Variants in FOXP2 observed in about 807,000 individuals in gnomAD.
The protein encoded by FOXP2 is forkhead box protein P2.
FOXP2 carries 12 observed loss-of-function variants against 115.8 expected under a neutral mutation model. The ratio of observed to expected loss-of-function variants is 0.10; its 90% CI spans 0.07 to 0.17. FOXP2 has a LOEUF of 0.17. Ranked by LOEUF, FOXP2 falls within the 10% of genes least tolerant of loss-of-function variation. The pLI is 1.00. For synonymous variants in FOXP2, 328 were observed against 297.7 expected, an observed-to-expected ratio of 1.10 and a Z score of -1.05; for missense variants, 629 against 843.5, an observed-to-expected ratio of 0.75 and a Z score of 3.15.
At chr7:114,667,061 A>T (rs1224248266) in intron 16 of FOXP2, 3 of 152,176 alleles carry the variant, frequency 2.0e-5, no homozygotes, top group Non-Finnish European at 4.4e-5. Context: ...GTGGTTAGTC[A>T]TTGACAATCC....
intron 3 of FOXP2, among the ~76,000 whole-genome samples, chr7:114,615,710 G>A (rs1363142453): frequency 1.3e-5 from 2 of 152,096 alleles, no homozygotes; most frequent in African/African-American, 4.8e-5. Context: ...GTGGTTTACT[G>A]TGGGTCTCTT....
At chr7:114,391,166 G>A (rs896325027) in intron 2 of FOXP2, among the ~76,000 whole-genome samples, 2 of 151,318 alleles carry the variant, frequency 1.3e-5, no homozygotes, top group African/African-American at 2.4e-5. Flanking sequence ...CAGCCTTGGC[G>A]ACAAGAGCAA....
At chr7:114,244,785 G>A (rs1386341585) in intron 1 of FOXP2, among the ~76,000 whole-genome samples, 1 of 149,886 alleles carries the variant, frequency 6.7e-6, no homozygotes, top group Admixed American at 6.6e-5. Flanking sequence ...TTTTTGAGAC[G>A]GAGTCTCGCT....
Position 114,384,071 on chromosome 7 carries a change from C to G in FOXP2, c.-10-42431C>G, listed in dbSNP as rs565519894. Among the ~76,000 whole-genome samples the G allele has an allele frequency of 7.2e-5, 11 of 152,066 alleles. No homozygotes were observed. The East Asian group carries it at 2.1e-3, about 30-fold the overall frequency. On this transcript the variant is annotated intron_variant, in intron 2 of 17. Coordinates refer to the FOXP2 transcript ENST00000634411. Reference sequence around the variant, plus strand: ...TTGTGCTCAGAGGTGAGTTCCTTTCCAGGGTGTGTCACCACCCATGGACCT... The same window carrying G: ...TTGTGCTCAGAGGTGAGTTCCTTTCGAGGGTGTGTCACCACCCATGGACCT...
intron 2 of FOXP2, among the ~76,000 whole-genome samples, chr7:114,351,133 C>A (rs1791479146): frequency 6.6e-6 from 1 of 152,184 alleles, no homozygotes; most frequent in African/African-American, 2.4e-5. Flanking sequence ...AGTGCAGAAC[C>A]CATGGACATA....
At chr7:114,596,684 C>T (rs1163405137) in intron 3 of FOXP2, among the ~76,000 whole-genome samples, 3 of 151,972 alleles carry the variant, frequency 2.0e-5, no homozygotes, top group African/African-American at 7.2e-5. Context: ...TTTCTTCTTG[C>T]CATTAATAAA....
At chr7:114,399,114 C>CTTTTTTT (rs66789053) in intron 2 of FOXP2, among the ~76,000 whole-genome samples, 12 of 141,404 alleles carry the variant, frequency 8.5e-5, no homozygotes, top group East Asian at 2.0e-4. Context: ...TTTTCTTTTT[C>CTTTTTTT]TTTTTTTTTT....
chr7:114,398,299 A>G (rs1240356263), intron 2 of FOXP2, among the ~76,000 whole-genome samples: 1 of 152,160 alleles, frequency 6.6e-6, no homozygotes, highest in Non-Finnish European at 1.5e-5. Context: ...TATTAATTTA[A>G]TCTTATATTG....
At chr7:114,351,195 G>A (rs184002280) in intron 2 of FOXP2, among the ~76,000 whole-genome samples, 159 of 152,174 alleles carry the variant, frequency 1.0e-3, no homozygotes, top group African/African-American at 3.6e-3. Context: ...CTGTTGCAAT[G>A]GGATTTGACC....
intron 2 of FOXP2, among the ~76,000 whole-genome samples, chr7:114,485,784 A>G (rs1246257665): frequency 6.6e-6 from 1 of 152,168 alleles, no homozygotes; most frequent in African/African-American, 2.4e-5. Flanking sequence ...TACAAAATTT[A>G]CAGAAATAGG....
intron 1 of FOXP2, among the ~76,000 whole-genome samples, chr7:114,271,890 CATTAATATAATT>C (rs1264278346): frequency 8.2e-6 from 1 of 121,412 alleles, no homozygotes; most frequent in Non-Finnish European, 1.6e-5. Flanking sequence ...TAATTATAAA[CATTAATATAATT>C]ATTAATATAA....
intron 13 of FOXP2, among the ~76,000 whole-genome samples, chr7:114,659,903 C>T (rs1026999966): frequency 6.6e-6 from 1 of 152,146 alleles, no homozygotes; most frequent in Non-Finnish European, 1.5e-5. Flanking sequence ...GGCAGAGAAA[C>T]GAGGGCCTGA....
chr7:114,550,278 C>A (rs775959395), intron 3 of FOXP2, among the ~76,000 whole-genome samples: 1 of 151,864 alleles, frequency 6.6e-6, no homozygotes, highest in East Asian at 1.9e-4. Flanking sequence ...CCACCACGCC[C>A]GGCTAATTTT....
intron 3 of FOXP2, among the ~76,000 whole-genome samples, chr7:114,577,033 TTTTC>T (rs1421188111): frequency 2.6e-5 from 4 of 151,796 alleles, no homozygotes; most frequent in Admixed American, 6.6e-5. Context: ...TGCAGTTCAT[TTTTC>T]TTTCTTATTG....
rs75748593 is a variant in FOXP2, at chr7:114,263,985, C to T, written c.-101-24034C>T. On this transcript the variant is annotated intron_variant, in intron 1 of 17. Coordinates refer to the FOXP2 transcript ENST00000634411. ...ATCTTTAGCTTGGCCTTCAGGAACA[C>T]TGGATGTATTCTAGCTTTGCCTGTT... Among the ~76,000 whole-genome samples the T allele has an allele frequency of 1.5e-3, 231 of 152,090 alleles. 2 individuals are homozygous for T. In the East Asian group the frequency reaches 0.038, roughly 25 times the overall value.
chr7:114,315,939 G>C (rs755779007), intron 2 of FOXP2, among the ~76,000 whole-genome samples: 17 of 152,090 alleles, frequency 1.1e-4, no homozygotes, highest in South Asian at 2.1e-4. Flanking sequence ...TTTCCCCATA[G>C]GGCATATCAC....
At chr7:114,396,078 C>T (rs1792729344) in intron 2 of FOXP2, among the ~76,000 whole-genome samples, 1 of 151,956 alleles carries the variant, frequency 6.6e-6, no homozygotes. Context: ...TTTAGTCACC[C>T]TATTGTGCTA....
chr7:114,536,457 G>T (rs761804439), intron 3 of FOXP2, among the ~76,000 whole-genome samples: 2 of 131,454 alleles, frequency 1.5e-5, no homozygotes, highest in African/African-American at 5.7e-5. Flanking sequence ...TTTGATACTT[G>T]GACTAAAATA....
intron 1 of FOXP2, among the ~76,000 whole-genome samples, chr7:114,185,473 C>T (rs1202276246): frequency 6.6e-6 from 1 of 152,124 alleles, no homozygotes; most frequent in Admixed American, 6.6e-5. Flanking sequence ...TTAAATCAAA[C>T]TTTGCAATAT....
Sources: gnomAD v4.1 joint callset for allele counts (sites outside exome capture counted in the v4.1 genomes callset) on GRCh38, gnomAD v4.1.1 for gene constraint, MANE v1.5 for transcripts, NCBI Gene and HGNC (gene_info 2026-07-23, HGNC 2026-07-21) for gene names.